Variants in PTPRQ observed in about 807,000 individuals in gnomAD.
PTPRQ encodes phosphatidylinositol phosphatase PTPRQ.
A neutral mutation model predicts 246.0 loss-of-function variants in PTPRQ; 199 were observed. That is an observed-to-expected ratio of 0.81 (90% CI 0.72 to 0.91). PTPRQ has a LOEUF of 0.91. Ranked by LOEUF, PTPRQ falls within the 40% of genes least tolerant of loss-of-function variation. PTPRQ has a pLI of 0.00. For missense variants in PTPRQ, 2,624 were observed against 2,528.4 expected (o/e 1.04, Z -0.81); for synonymous variants, 869 against 853.2 (o/e 1.02, Z -0.32).
chr12:80,514,740 C>T (rs1419132200), intron 17 of PTPRQ, among the ~76,000 whole-genome samples: 2 of 143,484 alleles, frequency 1.4e-5, no homozygotes, highest in East Asian at 2.0e-4. Flanking sequence ...GATTATATTA[C>T]ATTAGGTATT....
At chr12:80,516,071 C>T (rs982877381) in intron 17 of PTPRQ, among the ~76,000 whole-genome samples, 6 of 152,172 alleles carry the variant, frequency 3.9e-5, no homozygotes, top group African/African-American at 1.4e-4. Flanking sequence ...AAATGATACA[C>T]AGTCCTTGAA....
At chr12:80,648,568 C>T (rs1028716481) in intron 35 of PTPRQ, among the ~76,000 whole-genome samples, 5 of 151,976 alleles carry the variant, frequency 3.3e-5, no homozygotes, top group Admixed American at 6.6e-5. Flanking sequence ...TTTTAGACCA[C>T]TAAATACCAT....
In PTPRQ at chr12:80,574,992, G is replaced by GT. The variant is rs1044824992; in HGVS notation, c.4286-13129dup. ...TCTGACACCTCAAGCCAATAGCTGC[G>GT]TTTTTTTTCCTTTTCCAAGTTCATA... is the stretch of plus-strand genomic sequence containing the variant. On this transcript the variant is annotated intron_variant, in intron 25 of 44. Transcript: ENST00000644991. 6.6e-5 allele frequency among the ~76,000 whole-genome samples: 10 copies of GT among 151,912 alleles called. 1 individual carries two copies. The highest frequency in any genetic ancestry group is 2.1e-4 in the South Asian group (1 of 4,812).
At chr12:80,606,598 T>G (rs1406171) in intron 27 of PTPRQ, among the ~76,000 whole-genome samples, 9,485 of 151,036 alleles carry the variant, frequency 0.063, 895 homozygotes, top group African/African-American at 0.2. Context: ...CATTAAATTG[T>G]ATAGCATAGT....
Position 80,673,299 on chromosome 12 carries a change from A to C in PTPRQ, c.6733A>C (p.Asn2245His). The change falls in exon 43 of 45, where the codon AAT becomes CAT. Residue 2245 changes from asparagine to histidine, a missense_variant. Asn to His is a moderately conservative substitution (Grantham distance 68). Transcript: ENST00000644991. ...AAGTGAAAGAATGTGCATGGTGCAGAATCTGGTAAGATCTCTAAACCTGCA... is the reference window on the plus strand; with the variant it reads ...AAGTGAAAGAATGTGCATGGTGCAGCATCTGGTAAGATCTCTAAACCTGCA... ...LRSERMCMVQNLAQYIFLHQC... is the reference protein window; with the variant it reads ...LRSERMCMVQHLAQYIFLHQC... 1 of 1,549,186 alleles carries C rather than the reference A, an allele frequency of 6.5e-7. No homozygotes were observed. The highest frequency in any genetic ancestry group is 2.5e-5 in the East Asian group (1 of 40,806).
rs190941970 is a variant in PTPRQ, at chr12:80,583,255, A to G, written c.4286-4874A>G. Among the ~76,000 whole-genome samples, 614 of 146,020 alleles carry G rather than the reference A, an allele frequency of 4.2e-3. 5 individuals are homozygous for G. The highest frequency in any genetic ancestry group is 0.02 in the Middle Eastern group (6 of 294). ...ACCATTTTGTTTCATTCAGTAGTCT[A>G]GACTCTGAGAGAGAAAATCTGTTAT... is the stretch of plus-strand genomic sequence containing the variant. On this transcript the variant is annotated intron_variant, in intron 25 of 44. Coordinates refer to ENST00000644991, the MANE Select transcript of PTPRQ (RefSeq NM_001145026.2).
intron 34 of PTPRQ, among the ~76,000 whole-genome samples, chr12:80,632,523 A>T (rs1453135100): frequency 6.6e-6 from 1 of 152,220 alleles, no homozygotes; most frequent in East Asian, 1.9e-4. Flanking sequence ...TTGAACAGAA[A>T]ACATTTAATG....
In PTPRQ at chr12:80,597,949, T is replaced by C. The variant is rs180733194; in HGVS notation, c.4610-7110T>C. 3.4e-4 allele frequency among the ~76,000 whole-genome samples: 52 copies of C among 152,082 alleles called. 1 individual carries two copies. Among genetic ancestry groups the C allele is most frequent in the Admixed American group, 1.1e-3 (16 of 15,224 alleles). On this transcript the variant is annotated intron_variant, in intron 26 of 44. Transcript: ENST00000644991. ...TATGTATTCTCTGATTCCAAAGTAA[T>C]AGTAGTAATTAGAATATTTTCATTC...
chr12:80,657,992 T>C lies in PTPRQ; in HGVS notation c.6123T>C (p.Asn2041=). The C allele has an allele frequency of 2.8e-6, 4 of 1,422,820 alleles. No individual in the cohort carries two copies. The highest frequency in any genetic ancestry group is 3.7e-6 in the Non-Finnish European group (4 of 1,087,742). 88.1% of individuals were successfully genotyped at this position (1,422,820 alleles called of 1,614,324 possible). Residue 2041 remains asparagine, a synonymous_variant, in exon 39 of 45, where the codon AAT becomes AAC. Transcript: ENST00000644991. The part of the protein sequence containing the change: ...NRFPNIKPYN[N]NRVKLIADAS... ...CCTTATATTTTCTTCTAGATAATAA[T>C]AACAGAGTAAAGCTGATAGCTGACG...
chr12:80,667,044 G>A (rs10862182), intron 39 of PTPRQ, among the ~76,000 whole-genome samples: 70,621 of 151,782 alleles, frequency 0.47, 17,729 homozygotes, highest in African/African-American at 0.67. Flanking sequence ...GTGTCATTCA[G>A]AGTAAAAAGC....
chr12:80,502,065 A>G (rs1457752582), intron 14 of PTPRQ, among the ~76,000 whole-genome samples: 1 of 151,964 alleles, frequency 6.6e-6, no homozygotes, highest in South Asian at 2.1e-4. Context: ...TAAATCCCAG[A>G]CTGTATATTA....
intron 38 of PTPRQ, among the ~76,000 whole-genome samples, chr12:80,654,001 CTTTTTCTTTCTTTCTT>C (rs1379782594): frequency 4.0e-5 from 6 of 151,550 alleles, no homozygotes; most frequent in Non-Finnish European, 5.9e-5. Context: ...TTCATAATTT[CTTTTTCTTTCTTTCTT>C]TTTTTCTTTC....
chr12:80,472,386 T>A (rs1322711551), intron 8 of PTPRQ, 135 bp downstream of exon 8: 13 of 1,263,208 alleles, frequency 1.0e-5, no homozygotes, highest in Non-Finnish European at 1.4e-5. Flanking sequence ...TACTACCTAA[T>A]TCATTCTGAA....
At chr12:80,661,363 A>G (rs1259009118) in intron 39 of PTPRQ, among the ~76,000 whole-genome samples, 2 of 149,764 alleles carry the variant, frequency 1.3e-5, no homozygotes, top group Non-Finnish European at 3.0e-5. Flanking sequence ...CTAGATATGT[A>G]TATGCATGTA....
intron 35 of PTPRQ, among the ~76,000 whole-genome samples, chr12:80,640,066 T>G (rs1375723008): frequency 3.9e-5 from 5 of 127,300 alleles, no homozygotes; most frequent in Non-Finnish European, 8.4e-5. Flanking sequence ...GTGTGTGTGT[T>G]TAACTTCGAA....
intron 17 of PTPRQ, among the ~76,000 whole-genome samples, chr12:80,530,299 A>G (rs1430074543): frequency 2.6e-5 from 4 of 152,150 alleles, no homozygotes; most frequent in African/African-American, 9.7e-5. Context: ...AGGAAGTCAC[A>G]TTGTCATTAG....
At chr12:80,621,917 A>G (rs747589576) in intron 32 of PTPRQ, 144 bp from the exon 33 acceptor site, 7 of 542,274 alleles carry the variant, frequency 1.3e-5, no homozygotes, top group Non-Finnish European at 2.0e-5. Flanking sequence ...ATTTCTCCTG[A>G]TGATGATTCC....
intron 41 of PTPRQ, 148 bp from the exon 42 acceptor site, chr12:80,670,196 C>T: frequency 2.6e-6 from 3 of 1,157,192 alleles, no homozygotes; most frequent in Non-Finnish European, 3.6e-6. Context: ...ATAAAAATCT[C>T]TCTTATAGGA....
chr12:80,610,631 G>A lies in PTPRQ; in HGVS notation c.4918+6G>A, dbSNP rs1898515034. 6.5e-7 allele frequency: 1 copy of A among 1,540,662 alleles called. No homozygotes were observed. On this transcript the variant is annotated splice_donor_region_variant and intron_variant, in intron 28 of 44. Transcript: ENST00000644991. ...TGTTACTACTTTAGAATCAGGTAAG[G>A]AGAATTTCTCAACCTTGCTAAAAAT...
Sources: allele counts gnomAD v4.1 joint callset (sites outside exome capture counted in the v4.1 genomes callset), GRCh38; gene constraint gnomAD v4.1.1; transcripts MANE v1.5; gene names NCBI Gene and HGNC (gene_info 2026-07-23, HGNC 2026-07-21).